The following SVEP1 variants were observed in gnomAD, a reference collection of about 807,000 sequenced individuals.
SVEP1 encodes the protein sushi, von Willebrand factor type A, EGF and pentraxin domain-containing protein 1.
A neutral mutation model predicts 367.3 loss-of-function variants in SVEP1; 164 were observed. That is an observed-to-expected ratio of 0.45 (90% CI 0.39 to 0.51). SVEP1 has a LOEUF of 0.51. Among genes scored for constraint, SVEP1 ranks in the 20% least tolerant of loss-of-function variants. The pLI is 0.00. For synonymous variants in SVEP1, 1,666 were observed against 1,611.6 expected (o/e 1.03, Z -0.81); for missense variants, 4,117 against 4,425.3 (o/e 0.93, Z 1.98).
At chr9:110,490,045 A>C (rs953031006) in intron 8 of SVEP1, among the ~76,000 whole-genome samples, 1 of 152,218 alleles carries the variant, frequency 6.6e-6, no homozygotes, top group African/African-American at 2.4e-5. Flanking sequence ...CTTAAAACTT[A>C]AGATGACTCT....
At chr9:110,452,698 G>T (rs897774851) in intron 22 of SVEP1, among the ~76,000 whole-genome samples, 6 of 152,200 alleles carry the variant, frequency 3.9e-5, no homozygotes, top group Non-Finnish European at 7.3e-5. Flanking sequence ...CAAGCCACAC[G>T]CTTTGGTGTT....
chr9:110,368,912 C>T (rs1411757685), intron 47 of SVEP1, among the ~76,000 whole-genome samples: 1 of 152,050 alleles, frequency 6.6e-6, no homozygotes, highest in African/African-American at 2.4e-5. Context: ...ACTTTAATTG[C>T]TTTTTTATAT....
intron 21 of SVEP1, 81 bp from the exon 22 acceptor site, chr9:110,455,784 A>G (rs1828768102): frequency 1.8e-6 from 2 of 1,115,022 alleles, no homozygotes; most frequent in Non-Finnish European, 2.5e-6. Flanking sequence ...AAAGGTAATT[A>G]TCTCAATAAT....
At position 110,434,424 on chromosome 9, in the gene SVEP1, G is replaced by T; in HGVS notation, c.4971C>A (p.Phe1657Leu). The change falls in exon 30 of 48, where the codon TTC (phenylalanine) becomes TTA (leucine). Residue 1657 changes from phenylalanine (F) to leucine (L), a missense_variant. Phe to Leu is a conservative substitution (Grantham distance 22). Around this residue, in one of 4 missense-constraint regions of SVEP1, gnomAD observed 2,174 missense variants for 2,494.3 expected, o/e 0.87. Coordinates refer to ENST00000374469, the MANE Select transcript of SVEP1 (RefSeq NM_153366.4). Reference sequence around the variant, plus strand: ...CGACCAGCTGGAAGCCTGGATCACAGAACAGATTGACTTTGGAACCTGGCT... The same window carrying T: ...CGACCAGCTGGAAGCCTGGATCACATAACAGATTGACTTTGGAACCTGGCT... ...DLKPGSKVNL[F>L]CDPGFQLVGN... 1 of 1,613,472 alleles carries T rather than the reference G, an allele frequency of 6.2e-7. No individual in the cohort carries two copies. The highest frequency in any genetic ancestry group is 8.5e-7 in the Non-Finnish European group (1 of 1,179,720).
intron 4 of SVEP1, 150 bp downstream of exon 4, chr9:110,513,798 A>C (rs188859560): frequency 1.1e-6 from 1 of 901,178 alleles, no homozygotes; most frequent in African/African-American, 1.7e-5. Context: ...AGAATGTTAT[A>C]AAAGCAAATC....
chr9:110,446,614 C>T lies in SVEP1; in HGVS notation c.4261+286G>A, dbSNP rs1047011055. Among the ~76,000 whole-genome samples, 4 of 152,334 alleles carry T rather than the reference C, an allele frequency of 2.6e-5. No homozygotes were observed. The South Asian group carries it at 8.3e-4, about 32-fold the overall frequency. On this transcript the variant is annotated intron_variant, in intron 25 of 47. Transcript: ENST00000374469. ...TCACCTCTGAAGTCAAGCGGCTTAT[C>T]AAAGTATCATTTCTATTATAAATAA...
chr9:110,542,595 C>A (rs1160583678), intron 3 of SVEP1, among the ~76,000 whole-genome samples: 1 of 152,080 alleles, frequency 6.6e-6, no homozygotes, highest in Non-Finnish European at 1.5e-5. Context: ...AATTTAATAA[C>A]ACATAACATT....
chr9:110,389,553 T>A lies in SVEP1; in HGVS notation c.9857A>T (p.Gln3286Leu), dbSNP rs1239811115. The A allele has an allele frequency of 6.2e-7, 1 of 1,613,820 alleles. No individual in the cohort carries two copies. Among genetic ancestry groups the A allele is most frequent in the Non-Finnish European group, 8.5e-7 (1 of 1,179,814 alleles). ...GCATATTGCCACCCCTCCACTCCACTGTCTGTTCTCCTGGCAGACACGTTC... is the reference window on the plus strand; with the variant it reads ...GCATATTGCCACCCCTCCACTCCACAGTCTGTTCTCCTGGCAGACACGTTC... Reference protein sequence around the residue: ...NRERVCQENRQWSGGVAICKE... With the variant: ...NRERVCQENRLWSGGVAICKE... The change falls in exon 41 of 48, where the codon CAG (glutamine) becomes CTG (leucine). Residue 3286 changes from glutamine to leucine, a missense_variant. Around this residue, in one of 4 missense-constraint regions of SVEP1, gnomAD observed 1,765 missense variants for 1,781.1 expected, o/e 0.99. Transcript: ENST00000374469.
intron 40 of SVEP1, among the ~76,000 whole-genome samples, chr9:110,396,880 C>A (rs1207166722): frequency 6.6e-6 from 1 of 152,076 alleles, no homozygotes; most frequent in Non-Finnish European, 1.5e-5. Context: ...AAGTCCAGGA[C>A]CAGATGGATT....
At chr9:110,551,261 A>G (rs541087719) in intron 1 of SVEP1, among the ~76,000 whole-genome samples, 108 of 152,270 alleles carry the variant, frequency 7.1e-4, no homozygotes, top group African/African-American at 2.4e-3. Flanking sequence ...ATTCTCTCAG[A>G]CTATGAGATC....
intron 8 of SVEP1, among the ~76,000 whole-genome samples, chr9:110,495,165 G>A (rs990390548): frequency 6.6e-6 from 1 of 151,964 alleles, no homozygotes. Flanking sequence ...CATCTCAATT[G>A]GTTCTCTCCA....
intron 2 of SVEP1, among the ~76,000 whole-genome samples, chr9:110,549,430 G>T (rs7035502): frequency 6.6e-6 from 1 of 151,748 alleles, no homozygotes; most frequent in Non-Finnish European, 1.5e-5. Flanking sequence ...TATTGTTCCT[G>T]TATCTTCATG....
chr9:110,431,882 T>C (rs1361137332), intron 32 of SVEP1, 33 bp downstream of exon 32: 6 of 1,612,380 alleles, frequency 3.7e-6, no homozygotes, highest in Non-Finnish European at 5.1e-6. Flanking sequence ...AAGAATGGAA[T>C]TAGGAACTTT....
intron 1 of SVEP1, among the ~76,000 whole-genome samples, chr9:110,577,825 G>GA (rs1301385767): frequency 6.6e-6 from 1 of 151,820 alleles, no homozygotes; most frequent in African/African-American, 2.4e-5. Context: ...AATATCAGAG[G>GA]AAAAAATACA....
chr9:110,373,005 G>A (rs193007272), intron 46 of SVEP1, among the ~76,000 whole-genome samples: 83 of 152,324 alleles, frequency 5.4e-4, no homozygotes, highest in African/African-American at 1.9e-3. Flanking sequence ...ATGATCCAGA[G>A]TCTTTTACTG....
rs780769857 is a variant in SVEP1, at chr9:110,436,522, G to C, written c.4640-18C>G. ...ACCACCACCTAAGGAGAGAGAAAGA[G>C]AAAGAAAAGGAGGAAAACTGGCCTG... On this transcript the variant is annotated intron_variant, in intron 27 of 47. Transcript: ENST00000374469. The C allele has an allele frequency of 1.2e-6, 2 of 1,610,062 alleles. No homozygotes were observed. The highest frequency in any genetic ancestry group is 1.7e-6 in the Non-Finnish European group (2 of 1,177,894).
At chr9:110,377,798 T>C (rs867157457) in intron 44 of SVEP1, among the ~76,000 whole-genome samples, 2 of 152,200 alleles carry the variant, frequency 1.3e-5, no homozygotes, top group Admixed American at 1.3e-4. Flanking sequence ...GTCACATTGC[T>C]GGACATTAGA....
intron 1 of SVEP1, among the ~76,000 whole-genome samples, chr9:110,565,954 AG>A (rs1364912101): frequency 6.6e-6 from 1 of 152,078 alleles, no homozygotes; most frequent in African/African-American, 2.4e-5. Flanking sequence ...CCTAACCAGT[AG>A]TATCACCTGG....
chr9:110,568,290 G>A (rs1048206707), intron 1 of SVEP1, among the ~76,000 whole-genome samples: 2 of 152,180 alleles, frequency 1.3e-5, no homozygotes, highest in African/African-American at 4.8e-5. Context: ...AGTTCTAAGA[G>A]TGCACATAGT....
Sources: allele counts gnomAD v4.1 joint callset (sites outside exome capture counted in the v4.1 genomes callset), GRCh38; gene constraint gnomAD v4.1.1; regional missense constraint gnomAD v4.1.1; transcripts MANE v1.5; gene names NCBI Gene and HGNC (gene_info 2026-07-23, HGNC 2026-07-21).